MARS1: variants seen among roughly 807,000 people sequenced by gnomAD.
The protein encoded by MARS1 is methionine--tRNA ligase, cytoplasmic.
In MARS1, 80 loss-of-function variants were observed where a neutral mutation model predicts 119.5. The ratio of observed to expected loss-of-function variants is 0.67; its 90% CI spans 0.56 to 0.81. The LOEUF is 0.81. Ranked by LOEUF, MARS1 falls within the 30% of genes least tolerant of loss-of-function variation. The pLI is 0.00. For missense variants in MARS1, 945 were observed against 1,116.5 expected (o/e 0.85, Z 2.19); for synonymous variants, 418 against 433.4 (o/e 0.96, Z 0.44).
rs528383629 is a variant in MARS1 at position 57,516,555 on chromosome 12, G to A, written c.2677G>A (p.Ala893Thr). 8 of 1,583,476 alleles carry A rather than the reference G, an allele frequency of 5.1e-6. No individual in the cohort carries two copies. Among genetic ancestry groups the A allele is most frequent in the Admixed American group, 4.0e-5 (2 of 49,768 alleles). ...TGTAGCTGAGGGGAAACCCCCTGAAGCCCCTAAAGGCAAGAAGAAAAAGTA... is the reference window on the plus strand; with the variant it reads ...TGTAGCTGAGGGGAAACCCCCTGAAACCCCTAAAGGCAAGAAGAAAAAGTA... The part of the protein sequence containing the change: ...LAVAEGKPPE[A>T]PKGKKKK The change falls in exon 21 of 21, where the codon GCC (alanine) becomes ACC (threonine). Residue 893 changes from alanine (A) to threonine (T), a missense_variant. Ala to Thr is a moderately conservative substitution (Grantham distance 58). Coordinates refer to ENST00000262027, the MANE Select transcript of MARS1 (RefSeq NM_004990.4).
intron 7 of MARS1, among the ~76,000 whole-genome samples, chr12:57,495,073 A>T (rs889558708): frequency 2.0e-5 from 3 of 151,624 alleles, no homozygotes; most frequent in African/African-American, 4.8e-5. Flanking sequence ...CACTTCCCAG[A>T]CAGGGCGGCC....
chr12:57,494,115 C>G (rs1365495061), intron 7 of MARS1, among the ~76,000 whole-genome samples: 1 of 145,960 alleles, frequency 6.9e-6, no homozygotes, highest in Non-Finnish European at 1.5e-5. Context: ...ACCACCATGC[C>G]CAGCTAATTT....
In MARS1 at chr12:57,512,975, G is replaced by A. The variant is rs777105640; in HGVS notation, c.1967+11G>A. 8.6e-5 allele frequency: 139 copies of A among 1,612,904 alleles called. No homozygotes were observed. Among genetic ancestry groups the A allele is most frequent in the Non-Finnish European group, 3.6e-5 (42 of 1,178,976 alleles). On this transcript the variant is annotated intron_variant, in intron 15 of 20. Coordinates refer to ENST00000262027, the MANE Select transcript of MARS1 (RefSeq NM_004990.4). ...CAACTTCATCAACAGGTAGGACTTG[G>A]TAAGGGGTCAGAGTTAGCAGTGAGC...
rs1334611481 is a variant in MARS1, at chr12:57,493,476, A to T, written c.770+2832A>T. Among the ~76,000 whole-genome samples, 5 of 556 alleles carry T rather than the reference A, an allele frequency of 9.0e-3. 1 individual carries two copies. The highest frequency in any genetic ancestry group is 0.087 in the Non-Finnish European group (4 of 46). The allele number at this position is 556 out of a possible 152,430, so 0.4% of individuals were successfully genotyped here. A position where few individuals can be genotyped will look rare whatever the true frequency, so the allele number is the denominator to read the frequency against. Reference sequence around the variant, plus strand: ...AATATATTATAATATATAATATATAATATATAATATATAATATATTATAAT... The same window carrying T: ...AATATATTATAATATATAATATATATTATATAATATATAATATATTATAAT... On this transcript the variant is annotated intron_variant, in intron 7 of 20. Transcript: ENST00000262027.
Position 57,489,262 on chromosome 12 carries a change from G to C in MARS1, c.201-5G>C. 1 of 1,613,610 alleles carries C rather than the reference G, an allele frequency of 6.2e-7. No individual in the cohort carries two copies. Among genetic ancestry groups the C allele is most frequent in the Non-Finnish European group, 8.5e-7 (1 of 1,179,970 alleles). ...TCCATCATCTGTTGCTCTCTCTCTG[G>C]GCAGATATTTTTTTTTGTTATCTGG... On this transcript the variant is annotated splice_polypyrimidine_tract_variant and splice_region_variant and intron_variant, in intron 2 of 20. Transcript: ENST00000262027.
chr12:57,491,809 G>T (rs903856758), intron 7 of MARS1, among the ~76,000 whole-genome samples: 5 of 152,100 alleles, frequency 3.3e-5, no homozygotes, highest in Non-Finnish European at 7.4e-5. Context: ...ACAGTTCTGA[G>T]TATGTTTGCC....
At position 57,516,476 on chromosome 12, in the gene MARS1, G is replaced by A. The variant is rs1161945654; in HGVS notation, c.2598G>A (p.Lys866=). Residue 866 remains lysine (K), a synonymous_variant, in exon 21 of 21, where the codon AAG becomes AAA. Coordinates refer to ENST00000262027, the MANE Select transcript of MARS1 (RefSeq NM_004990.4). ...AACTGAAAGCACAAAAGGCAGACAA[G>A]AACGAGGTTGCTGCGGAGGTGGCGA... The part of the protein sequence containing the change: ...VRELKAQKAD[K]NEVAAEVAKL... The A allele has an allele frequency of 3.7e-6, 6 of 1,613,722 alleles. No homozygotes were observed. The highest frequency in any genetic ancestry group is 1.7e-5 in the Admixed American group (1 of 59,886).
intron 5 of MARS1, 46 bp downstream of exon 5, chr12:57,490,017 G>A (rs770316863): frequency 1.9e-6 from 3 of 1,571,386 alleles, no homozygotes; most frequent in Non-Finnish European, 2.6e-6. Flanking sequence ...TTGGTGTAGG[G>A]GTTACAGAAT....
chr12:57,495,109 G>A (rs1486451374), intron 7 of MARS1, among the ~76,000 whole-genome samples: 8 of 150,268 alleles, frequency 5.3e-5, no homozygotes, highest in Admixed American at 2.0e-4. Flanking sequence ...CCCACCTCCC[G>A]GGCTGGGTGG....
At chr12:57,507,410 A>C (rs1222572687) in intron 11 of MARS1, among the ~76,000 whole-genome samples, 2 of 76,240 alleles carry the variant, frequency 2.6e-5, no homozygotes, top group Non-Finnish European at 6.1e-5. Flanking sequence ...GGGGCTCCTC[A>C]CTTCCCAGTA....
At chr12:57,495,979 G>A (rs1196270175) in intron 7 of MARS1, among the ~76,000 whole-genome samples, 1 of 152,096 alleles carries the variant, frequency 6.6e-6, no homozygotes, top group African/African-American at 2.4e-5. Flanking sequence ...CGGCATCAGA[G>A]GGAGACCGTG....
chr12:57,494,494 A>ATTTT (rs59160934), intron 7 of MARS1, among the ~76,000 whole-genome samples: 10 of 95,490 alleles, frequency 1.0e-4, no homozygotes, highest in African/African-American at 4.1e-4. Context: ...CGCCTGGCTA[A>ATTTT]TTTTTTTTTT....
chr12:57,493,795 ATTATATTATATAATGTATATTATATATAT>A (rs1876357849), intron 7 of MARS1, among the ~76,000 whole-genome samples: 1 of 824 alleles, frequency 1.2e-3, no homozygotes, highest in African/African-American at 2.0e-3. Context: ...TATATTATAT[ATTATATTATATAATGTATATTATATATAT>A]TATATTATAT....
intron 7 of MARS1, among the ~76,000 whole-genome samples, chr12:57,495,307 C>T (rs574719313): frequency 2.0e-5 from 3 of 151,366 alleles, no homozygotes; most frequent in Admixed American, 1.3e-4. Context: ...CGGACACGCT[C>T]CTCACCTCCC....
At chr12:57,504,673 T>A (rs1372735685) in intron 11 of MARS1, among the ~76,000 whole-genome samples, 3 of 140,598 alleles carry the variant, frequency 2.1e-5, no homozygotes, top group Admixed American at 7.3e-5. Flanking sequence ...CACCTCAGCC[T>A]CCCAAGTACC....
rs763613524 is a variant in MARS1 at position 57,490,614 on chromosome 12, T to G, written c.740T>G (p.Leu247Trp). The G allele has an allele frequency of 6.2e-7, 1 of 1,613,902 alleles. No individual in the cohort carries two copies. Among genetic ancestry groups the G allele is most frequent in the South Asian group, 1.1e-5 (1 of 91,080 alleles). The stretch of plus-strand genomic sequence containing the variant: ...GCTTGGGAGAAGGGCCTAGAAAGTT[T>G]GCCCCCGCTGCGGCCCCAGCAGAAT... ...VTAWEKGLES[L>W]PPLRPQQNPV... is the part of the protein sequence containing the mutation. Residue 247 changes from leucine to tryptophan, a missense_variant, in exon 7 of 21, where the codon TTG becomes TGG. Physicochemically the swap from Leu to Trp is moderately conservative, Grantham distance 61. Coordinates refer to ENST00000262027, the MANE Select transcript of MARS1 (RefSeq NM_004990.4).
rs372647685 is a variant in MARS1, at chr12:57,512,378, TG to T, written c.1753+29del. The T allele has an allele frequency of 3.0e-5, 45 of 1,511,494 alleles. No individual in the cohort carries two copies. The African/African-American group carries it at 4.4e-4, about 15-fold the overall frequency. The allele number at this position is 1,511,494 out of a possible 1,614,324, so 93.6% of individuals were successfully genotyped here. ...GGTAAGTACCCTGGAAGACTACTGA[TG>T]GGGTGTTCATAGGAAATGAGGGGTG... On this transcript the variant is annotated intron_variant, in intron 14 of 20. Transcript: ENST00000262027.
chr12:57,499,055 G>A (rs1442324543), intron 9 of MARS1, among the ~76,000 whole-genome samples: 4 of 151,774 alleles, frequency 2.6e-5, no homozygotes, highest in South Asian at 2.1e-4. Flanking sequence ...AGGCCGAGGC[G>A]GGCGGCTCAC....
chr12:57,506,840 T>C (rs1877201334), intron 11 of MARS1, among the ~76,000 whole-genome samples: 1 of 149,654 alleles, frequency 6.7e-6, no homozygotes, highest in African/African-American at 2.5e-5. Flanking sequence ...CATGCCTGGC[T>C]AATTTTTGTC....
Sources: allele counts gnomAD v4.1 joint callset (sites outside exome capture counted in the v4.1 genomes callset), GRCh38; gene constraint gnomAD v4.1.1; transcripts MANE v1.5; gene names NCBI Gene and HGNC (gene_info 2026-07-23, HGNC 2026-07-21).